FARP1: variants seen among roughly 807,000 people sequenced by gnomAD.
FARP1 encodes the protein FERM, ARHGEF and pleckstrin domain-containing protein 1.
Under a neutral mutation model 128.8 loss-of-function variants are expected in FARP1, and 52 were observed. That is an observed-to-expected ratio of 0.40 (90% CI 0.32 to 0.51). The LOEUF (loss-of-function observed/expected upper bound fraction) is 0.51, where lower values mean the gene tolerates loss of function less well. Ranked by LOEUF, FARP1 falls within the 20% of genes least tolerant of loss-of-function variation. The pLI is 0.45. For synonymous variants in FARP1, 580 were observed against 551.8 expected (o/e 1.05, Z -0.72); for missense variants, 1,333 against 1,367.9 (o/e 0.97, Z 0.40).
At chr13:98,326,312 A>T (rs1441903651) in intron 2 of FARP1, among the ~76,000 whole-genome samples, 1 of 152,096 alleles carries the variant, frequency 6.6e-6, no homozygotes, top group Non-Finnish European at 1.5e-5. Flanking sequence ...TGTTTTAGTT[A>T]AAAAAACCCA....
intron 1 of FARP1, among the ~76,000 whole-genome samples, chr13:98,200,397 C>CG (rs1555327098): frequency 1.4e-5 from 2 of 143,392 alleles, no homozygotes; most frequent in African/African-American, 2.6e-5. Flanking sequence ...ACCCCCCCCC[C>CG]CTCCCCTTTG....
chr13:98,269,318 A>T (rs1444993245), intron 2 of FARP1, among the ~76,000 whole-genome samples: 1 of 152,214 alleles, frequency 6.6e-6, no homozygotes, highest in Non-Finnish European at 1.5e-5. Context: ...AAAGTAGTTA[A>T]GTGGATAACT....
At chr13:98,168,674 C>T (rs534812112) in intron 1 of FARP1, among the ~76,000 whole-genome samples, 7 of 152,200 alleles carry the variant, frequency 4.6e-5, no homozygotes, top group Admixed American at 2.6e-4. Flanking sequence ...AAATTTGTTT[C>T]CTGGAGCTTA....
intron 2 of FARP1, among the ~76,000 whole-genome samples, chr13:98,324,714 A>G (rs758432090): frequency 6.6e-6 from 1 of 152,168 alleles, no homozygotes; most frequent in Non-Finnish European, 1.5e-5. Flanking sequence ...CTTCACAACC[A>G]TTCTCTTTTC....
chr13:98,225,543 A>G (rs1378594382), intron 2 of FARP1, among the ~76,000 whole-genome samples: 1 of 151,874 alleles, frequency 6.6e-6, no homozygotes, highest in Non-Finnish European at 1.5e-5. Flanking sequence ...CTTCCTTTCC[A>G]TTTTAAGGAC....
intron 16 of FARP1, among the ~76,000 whole-genome samples, chr13:98,421,224 G>A (rs1891581626): frequency 6.6e-6 from 1 of 152,204 alleles, no homozygotes; most frequent in African/African-American, 2.4e-5. Flanking sequence ...GGGAAGGAAG[G>A]TTCTTTTGAC....
chr13:98,265,066 C>T lies in FARP1; in HGVS notation c.171+51653C>T, dbSNP rs1023438600. On this transcript the variant is annotated intron_variant, in intron 2 of 26. Coordinates refer to ENST00000319562, the MANE Select transcript of FARP1 (RefSeq NM_005766.4). ...GTTAACTTTGTAACCCAACTAGGTG[C>T]CAGTGGTGTTCCCGGCCCACACTAG... Among the ~76,000 whole-genome samples, 14 of 152,202 alleles carry T rather than the reference C, an allele frequency of 9.2e-5. No individual in the cohort carries two copies. In the East Asian group the frequency reaches 1.9e-3, roughly 21 times the overall value.
intron 19 of FARP1, among the ~76,000 whole-genome samples, chr13:98,436,299 C>G (rs1183931777): frequency 6.6e-6 from 1 of 152,216 alleles, no homozygotes; most frequent in Non-Finnish European, 1.5e-5. Flanking sequence ...CCCGCACACA[C>G]TCCTTCCAGG....
chr13:98,197,781 C>T (rs1441755788), intron 1 of FARP1, among the ~76,000 whole-genome samples: 1 of 151,804 alleles, frequency 6.6e-6, no homozygotes, highest in Non-Finnish European at 1.5e-5. Flanking sequence ...TCTACAGGCA[C>T]CCGCCACCAC....
At chr13:98,281,889 C>A (rs898864398) in intron 2 of FARP1, among the ~76,000 whole-genome samples, 6 of 152,342 alleles carry the variant, frequency 3.9e-5, no homozygotes, top group African/African-American at 1.4e-4. Context: ...ACTGCCTCAA[C>A]TTCTTTTAAG....
chr13:98,249,327 G>C (rs948780361), intron 2 of FARP1, among the ~76,000 whole-genome samples: 1 of 152,156 alleles, frequency 6.6e-6, no homozygotes, highest in Non-Finnish European at 1.5e-5. Context: ...ATAGCTCCTT[G>C]TTAATGTACT....
intron 2 of FARP1, among the ~76,000 whole-genome samples, chr13:98,335,143 G>A (rs116554162): frequency 9.3e-4 from 141 of 152,328 alleles, no homozygotes; most frequent in African/African-American, 3.2e-3. Context: ...CTTTTTGCTA[G>A]TTCCTCTAAC....
intron 18 of FARP1, chr13:98,434,553 C>T (rs1892178644): frequency 6.6e-6 from 1 of 152,260 alleles, no homozygotes; most frequent in South Asian, 2.1e-4. Flanking sequence ...CTTGACCAAA[C>T]TACCCAAGTG....
intron 2 of FARP1, among the ~76,000 whole-genome samples, chr13:98,277,442 T>G (rs1477572479): frequency 6.6e-6 from 1 of 152,222 alleles, no homozygotes; most frequent in Non-Finnish European, 1.5e-5. Context: ...GTGCTGGTTT[T>G]ATACCATGCC....
chr13:98,164,439 G>C (rs1268920063), intron 1 of FARP1, among the ~76,000 whole-genome samples: 1 of 152,164 alleles, frequency 6.6e-6, no homozygotes, highest in Non-Finnish European at 1.5e-5. Context: ...GGTTGCTCTT[G>C]GTAGGTTTAT....
intron 1 of FARP1, among the ~76,000 whole-genome samples, chr13:98,157,128 G>C: frequency 6.6e-6 from 1 of 152,186 alleles, no homozygotes; most frequent in East Asian, 1.9e-4. Flanking sequence ...TGTAAAAGTA[G>C]TTTTAGAAAG....
chr13:98,204,373 A>G (rs1340842819), intron 1 of FARP1, among the ~76,000 whole-genome samples: 1 of 152,144 alleles, frequency 6.6e-6, no homozygotes, highest in East Asian at 1.9e-4. Context: ...TCTTCCTATT[A>G]TCAGTTTTAA....
chr13:98,389,166 C>T (rs1243477442), intron 9 of FARP1, among the ~76,000 whole-genome samples: 1 of 152,134 alleles, frequency 6.6e-6, no homozygotes, highest in East Asian at 1.9e-4. Flanking sequence ...TTTCATGGCC[C>T]GACCTGGGAA....
At chr13:98,159,939 G>C (rs1257419663) in intron 1 of FARP1, among the ~76,000 whole-genome samples, 7 of 152,152 alleles carry the variant, frequency 4.6e-5, no homozygotes, top group African/African-American at 1.7e-4. Context: ...ATCACCAGAC[G>C]ATTTCATCAT....
Sources: allele counts gnomAD v4.1 joint callset (sites outside exome capture counted in the v4.1 genomes callset), GRCh38; gene constraint gnomAD v4.1.1; transcripts MANE v1.5; gene names NCBI Gene and HGNC (gene_info 2026-07-23, HGNC 2026-07-21).